Variants in SPOCK1 observed in about 807,000 individuals in gnomAD.
SPOCK1 encodes SPARC (osteonectin), cwcv and kazal like domains proteoglycan 1.
SPOCK1 carries 23 observed loss-of-function variants against 55.3 expected under a neutral mutation model. That is an observed-to-expected ratio of 0.42 (90% CI 0.30 to 0.59). The LOEUF is 0.59. Ranked by LOEUF, SPOCK1 falls within the 20% of genes least tolerant of loss-of-function variation. SPOCK1 has a pLI of 0.22. For missense variants in SPOCK1, 499 were observed against 552.5 expected, an observed-to-expected ratio of 0.90 and a Z score of 0.97; for synonymous variants, 226 against 221.0, an observed-to-expected ratio of 1.02 and a Z score of -0.20.
intron 2 of SPOCK1, among the ~76,000 whole-genome samples, chr5:137,388,670 C>T (rs1428546009): frequency 2.0e-5 from 3 of 152,200 alleles, no homozygotes; most frequent in Non-Finnish European, 4.4e-5. Context: ...CAGCTCTCCA[C>T]AGATGTGGAC....
At chr5:137,305,619 C>T (rs1757688830) in intron 2 of SPOCK1, among the ~76,000 whole-genome samples, 2 of 152,228 alleles carry the variant, frequency 1.3e-5, no homozygotes, top group African/African-American at 4.8e-5. Flanking sequence ...ACACCATCTC[C>T]TTGTCCTCAC....
At chr5:137,148,543 A>C (rs564124168) in intron 3 of SPOCK1, among the ~76,000 whole-genome samples, 1 of 152,284 alleles carries the variant, frequency 6.6e-6, no homozygotes, top group South Asian at 2.1e-4. Context: ...TTCCCTTTGA[A>C]AGTGTGATGG....
chr5:137,277,035 T>C (rs1757081002), intron 2 of SPOCK1, among the ~76,000 whole-genome samples: 4 of 152,112 alleles, frequency 2.6e-5, no homozygotes, highest in Admixed American at 2.6e-4. Context: ...TTTTTTTTAA[T>C]AGACAGGGTC....
intron 5 of SPOCK1, among the ~76,000 whole-genome samples, chr5:137,079,534 C>CCG (rs1554096417): frequency 0.065 from 1,598 of 24,614 alleles, 32 homozygotes; most frequent in Non-Finnish European, 0.1. Context: ...CCATCTGATT[C>CCG]CCCCCCCCCC....
chr5:137,088,402 C>T (rs1752998393), intron 5 of SPOCK1, among the ~76,000 whole-genome samples: 1 of 152,210 alleles, frequency 6.6e-6, no homozygotes. Context: ...ACTTGAAAGA[C>T]GAACGATGTC....
intron 3 of SPOCK1, among the ~76,000 whole-genome samples, chr5:137,213,847 C>G (rs7708792): frequency 1.2e-3 from 186 of 152,286 alleles, no homozygotes; most frequent in African/African-American, 4.3e-3. Context: ...GCCCTGGAAC[C>G]AAATCTTGCC....
intron 2 of SPOCK1, among the ~76,000 whole-genome samples, chr5:137,332,905 G>T (rs957025518): frequency 2.0e-5 from 3 of 152,178 alleles, no homozygotes; most frequent in Non-Finnish European, 2.9e-5. Flanking sequence ...AAAAATGAGG[G>T]AGAGTCCAAG....
At chr5:137,010,921 T>C (rs1580706306) in intron 6 of SPOCK1, among the ~76,000 whole-genome samples, 1 of 152,282 alleles carries the variant, frequency 6.6e-6, no homozygotes, top group Non-Finnish European at 1.5e-5. Flanking sequence ...CTTCGCATAT[T>C]GTATTGAGGG....
chr5:136,978,935 C>T (rs1750671352), intron 10 of SPOCK1, 91 bp from the exon 11 acceptor site: 2 of 1,357,026 alleles, frequency 1.5e-6, no homozygotes, highest in Admixed American at 5.4e-5. Context: ...TAGGGTAAAA[C>T]CAAGCAGTTT....
intron 2 of SPOCK1, among the ~76,000 whole-genome samples, chr5:137,301,479 C>T (rs1237756473): frequency 6.6e-6 from 1 of 152,126 alleles, no homozygotes; most frequent in Non-Finnish European, 1.5e-5. Context: ...TCCATATAAA[C>T]CTTCCTTCCA....
chr5:137,097,991 G>A (rs1293125110), intron 5 of SPOCK1, among the ~76,000 whole-genome samples: 1 of 152,122 alleles, frequency 6.6e-6, no homozygotes, highest in African/African-American at 2.4e-5. Context: ...TGTAAAAGCT[G>A]GGCCAATGGA....
chr5:137,484,746 G>A (rs528395699), intron 2 of SPOCK1, among the ~76,000 whole-genome samples: 51 of 152,044 alleles, frequency 3.4e-4, no homozygotes, highest in Middle Eastern at 3.4e-3. Flanking sequence ...AAAAATATTC[G>A]TCACACAATT....
intron 7 of SPOCK1, among the ~76,000 whole-genome samples, chr5:136,989,650 T>A (rs1365363686): frequency 6.6e-6 from 1 of 152,136 alleles, no homozygotes; most frequent in Non-Finnish European, 1.5e-5. Context: ...AATTGTAGAA[T>A]GGAGATTCAG....
Position 137,434,480 on chromosome 5 carries a change from C to CTTTTTTTTTT in SPOCK1, c.186+63883_186+63892dup, listed in dbSNP as rs146762668. Among the ~76,000 whole-genome samples, 456 of 68,288 alleles carry CTTTTTTTTTT rather than the reference C, an allele frequency of 6.7e-3. 34 individuals carry two copies. Among genetic ancestry groups the CTTTTTTTTTT allele is most frequent in the South Asian group, 8.7e-3 (12 of 1,386 alleles). 44.8% of individuals were successfully genotyped at this position (68,288 alleles called of 152,430 possible). A position where few individuals can be genotyped will look rare whatever the true frequency, so the allele number is the denominator to read the frequency against. On this transcript the variant is annotated intron_variant, in intron 2 of 10. Transcript: ENST00000394945. ...TTTCCCTTCTCCATTTCTTTTTTTTCTTTTTTTTTTTTTTTTTTTTTTTTT... is the reference window on the plus strand; with the variant it reads ...TTTCCCTTCTCCATTTCTTTTTTTTCTTTTTTTTTTTTTTTTTTTTTTTTTTTTTTTTTTT...
intron 2 of SPOCK1, among the ~76,000 whole-genome samples, chr5:137,369,171 T>G (rs1236486508): frequency 1.3e-5 from 2 of 152,212 alleles, no homozygotes; most frequent in Non-Finnish European, 2.9e-5. Context: ...AAGGCAATGC[T>G]CCTTGATGGG....
At chr5:137,171,277 G>A (rs1044611533) in intron 3 of SPOCK1, among the ~76,000 whole-genome samples, 5 of 152,132 alleles carry the variant, frequency 3.3e-5, no homozygotes, top group Non-Finnish European at 7.4e-5. Flanking sequence ...CACATGGAAA[G>A]GCACATGGTC....
At chr5:137,228,389 C>T (rs1580817629) in intron 3 of SPOCK1, among the ~76,000 whole-genome samples, 2 of 152,336 alleles carry the variant, frequency 1.3e-5, no homozygotes, top group Admixed American at 1.3e-4. Context: ...GCCTGTAATG[C>T]TAGCACTTTG....
At chr5:137,334,473 T>C (rs1380997651) in intron 2 of SPOCK1, among the ~76,000 whole-genome samples, 2 of 152,254 alleles carry the variant, frequency 1.3e-5, no homozygotes, top group Non-Finnish European at 2.9e-5. Flanking sequence ...AGAGCAAAAA[T>C]GTTTCAATTC....
At chr5:137,067,085 A>G (rs1488398013) in intron 6 of SPOCK1, among the ~76,000 whole-genome samples, 2 of 152,118 alleles carry the variant, frequency 1.3e-5, no homozygotes, top group Admixed American at 1.3e-4. Context: ...TCAAACGTCT[A>G]TCTTGGGTCT....
Sources: allele counts gnomAD v4.1 joint callset (sites outside exome capture counted in the v4.1 genomes callset), GRCh38; gene constraint gnomAD v4.1.1; transcripts MANE v1.5; gene names NCBI Gene and HGNC (gene_info 2026-07-23, HGNC 2026-07-21).